CTNNA3: variants seen among roughly 807,000 people sequenced by gnomAD.
CTNNA3 encodes catenin alpha 3.
In CTNNA3, 76 loss-of-function variants were observed where a neutral mutation model predicts 95.7. That is an observed-to-expected ratio of 0.79 (90% confidence interval 0.66 to 0.96). CTNNA3 has a LOEUF of 0.96. Ranked by LOEUF, CTNNA3 falls within the 40% of genes least tolerant of loss-of-function variation. The pLI is 0.00. For synonymous variants in CTNNA3, 431 were observed against 374.4 expected (o/e 1.15, Z -1.74); for missense variants, 1,191 against 1,089.8 (o/e 1.09, Z -1.31).
At chr10:67,475,138 G>A (rs7075796) in intron 5 of CTNNA3, among the ~76,000 whole-genome samples, 17,769 of 152,068 alleles carry the variant, frequency 0.12, 1,441 homozygotes, top group East Asian at 0.35. Context: ...AATCCTAAAC[G>A]CATTATGCTA....
At chr10:67,354,571 G>T (rs1219343925) in intron 5 of CTNNA3, among the ~76,000 whole-genome samples, 8 of 151,644 alleles carry the variant, frequency 5.3e-5, no homozygotes, top group Non-Finnish European at 7.4e-5. Flanking sequence ...AAGCCAAAAG[G>T]CCCCTTCAGC....
intron 5 of CTNNA3, among the ~76,000 whole-genome samples, chr10:67,373,970 A>G (rs1392282226): frequency 6.6e-6 from 1 of 152,150 alleles, no homozygotes; most frequent in African/African-American, 2.4e-5. Flanking sequence ...GTTTAATGTA[A>G]TGTTTATGTT....
chr10:67,469,960 T>C (rs545875847), intron 5 of CTNNA3, among the ~76,000 whole-genome samples: 3 of 152,296 alleles, frequency 2.0e-5, no homozygotes, highest in Non-Finnish European at 2.9e-5. Flanking sequence ...TTATACTCTT[T>C]TAGTTATTTT....
intron 5 of CTNNA3, among the ~76,000 whole-genome samples, chr10:67,322,407 T>G (rs1841359505): frequency 6.6e-6 from 1 of 152,136 alleles, no homozygotes; most frequent in Non-Finnish European, 1.5e-5. Context: ...GCCCAATGTG[T>G]ATTGTTCCTT....
chr10:67,050,704 C>T (rs1388270417), intron 7 of CTNNA3, among the ~76,000 whole-genome samples: 1 of 152,190 alleles, frequency 6.6e-6, no homozygotes, highest in African/African-American at 2.4e-5. Context: ...AATTTACTGA[C>T]TTCCTCTCAG....
chr10:67,702,246 G>T (rs1334937507), intron 1 of CTNNA3, among the ~76,000 whole-genome samples: 1 of 152,034 alleles, frequency 6.6e-6, no homozygotes, highest in Non-Finnish European at 1.5e-5. Context: ...GGATACCCAG[G>T]AATTGAACTC....
chr10:66,129,835 A>AC (rs970241931), intron 13 of CTNNA3, among the ~76,000 whole-genome samples: 8 of 150,160 alleles, frequency 5.3e-5, no homozygotes, highest in Admixed American at 2.0e-4. Flanking sequence ...CACCATAGGC[A>AC]CCCCCCCACA....
intron 5 of CTNNA3, among the ~76,000 whole-genome samples, chr10:67,237,097 A>AAT (rs551826083): frequency 1.2e-4 from 16 of 133,936 alleles, no homozygotes; most frequent in African/African-American, 4.2e-4. Flanking sequence ...CCCATCAATC[A>AAT]ATGAGTGGAT....
chr10:67,295,303 A>AT (rs1014864901), intron 5 of CTNNA3, among the ~76,000 whole-genome samples: 1 of 152,206 alleles, frequency 6.6e-6, no homozygotes, highest in Non-Finnish European at 1.5e-5. Context: ...AGAAAGCAGG[A>AT]TTTTTTAAAA....
At chr10:66,338,621 C>T (rs1378582531) in intron 12 of CTNNA3, among the ~76,000 whole-genome samples, 1 of 151,748 alleles carries the variant, frequency 6.6e-6, no homozygotes, top group East Asian at 1.9e-4. Flanking sequence ...AGAATAAGAT[C>T]AACACAGAAT....
chr10:66,922,667 T>C (rs1044167601), intron 7 of CTNNA3, among the ~76,000 whole-genome samples: 13 of 152,352 alleles, frequency 8.5e-5, no homozygotes, highest in African/African-American at 2.9e-4. Flanking sequence ...CTGATTACTG[T>C]TGAGAAAGAG....
intron 6 of CTNNA3, among the ~76,000 whole-genome samples, chr10:67,182,005 G>C (rs1862574429): frequency 6.6e-6 from 1 of 151,664 alleles, no homozygotes; most frequent in Non-Finnish European, 1.5e-5. Flanking sequence ...ACCTCTTCAA[G>C]GAGAACTACA....
At chr10:67,726,318 T>G (rs1428265450) in intron 1 of CTNNA3, among the ~76,000 whole-genome samples, 1 of 70,586 alleles carries the variant, frequency 1.4e-5, no homozygotes, top group African/African-American at 6.1e-5. Context: ...ACATATTATA[T>G]ATATTATCTT....
In CTNNA3 at chr10:66,683,497, G is replaced by T. The variant is rs184060586; in HGVS notation, c.1282-61713C>A. On this transcript the variant is annotated intron_variant, in intron 9 of 17. Transcript: ENST00000433211. Reference sequence around the variant, plus strand: ...AGTTTAAATTGGACTGGGAACAGTGGGCCAGCATGTATTATGGAGAAGCAA... The same window carrying T: ...AGTTTAAATTGGACTGGGAACAGTGTGCCAGCATGTATTATGGAGAAGCAA... Among the ~76,000 whole-genome samples the T allele has an allele frequency of 1.2e-3, 179 of 152,200 alleles. 1 individual carries two copies. Among genetic ancestry groups the T allele is most frequent in the Non-Finnish European group, 3.5e-4 (24 of 68,008 alleles).
chr10:67,676,915 G>A (rs7903361), intron 1 of CTNNA3, among the ~76,000 whole-genome samples: 13,316 of 151,434 alleles, frequency 0.088, 1,344 homozygotes, highest in African/African-American at 0.25. Flanking sequence ...AGGCCACAAG[G>A]GGGGTTCTAG....
At chr10:66,413,514 A>G (rs574411498) in intron 11 of CTNNA3, among the ~76,000 whole-genome samples, 1 of 152,342 alleles carries the variant, frequency 6.6e-6, no homozygotes. Flanking sequence ...AACAGGTGGG[A>G]ATTAGCTCTC....
chr10:66,077,647 AG>A, intron 14 of CTNNA3, among the ~76,000 whole-genome samples: 1 of 151,936 alleles, frequency 6.6e-6, no homozygotes, highest in South Asian at 2.1e-4. Flanking sequence ...GTGTGGCTGT[AG>A]CATAAACCTT....
At chr10:66,911,853 C>A (rs1052183141) in intron 7 of CTNNA3, among the ~76,000 whole-genome samples, 1 of 152,092 alleles carries the variant, frequency 6.6e-6, no homozygotes, top group African/African-American at 2.4e-5. Flanking sequence ...GAACTACCCA[C>A]AGAAAATATA....
At chr10:67,692,110 G>A (rs1439609508) in intron 1 of CTNNA3, among the ~76,000 whole-genome samples, 2 of 150,892 alleles carry the variant, frequency 1.3e-5, no homozygotes, top group Non-Finnish European at 3.0e-5. Flanking sequence ...CCCTCCGGGA[G>A]GGAGGTGGGG....
Sources: gnomAD v4.1 joint callset for allele counts (sites outside exome capture counted in the v4.1 genomes callset) on GRCh38, gnomAD v4.1.1 for gene constraint, MANE v1.5 for transcripts, NCBI Gene and HGNC (gene_info 2026-07-23, HGNC 2026-07-21) for gene names.